Variants in CECR2 observed in about 807,000 individuals in gnomAD.
The protein encoded by CECR2 is chromatin remodeling regulator CECR2.
CECR2 carries 30 observed loss-of-function variants against 154.5 expected under a neutral mutation model. The observed-to-expected ratio is 0.19, with a 90% confidence interval of 0.15 to 0.26. The LOEUF is 0.26. Ranked by LOEUF, CECR2 falls within the 10% of genes least tolerant of loss-of-function variation. The probability of loss-of-function intolerance (pLI) is 1.00; values close to 1 mark genes in which losing one functional copy is unlikely to be tolerated. For missense variants in CECR2, 1,743 were observed against 1,829.3 expected (o/e 0.95, Z 0.86); for synonymous variants, 725 against 683.7 (o/e 1.06, Z -0.94).
intron 2 of CECR2, among the ~76,000 whole-genome samples, chr22:17,495,258 G>A (rs554982431): frequency 6.6e-6 from 1 of 152,216 alleles, no homozygotes; most frequent in South Asian, 2.1e-4. Flanking sequence ...TTACATGGAA[G>A]GCATATTTAG....
At position 17,540,682 on chromosome 22, in the gene CECR2, A is replaced by G; in HGVS notation, c.1766A>G (p.Asp589Gly). 6.2e-7 allele frequency: 1 copy of G among 1,613,956 alleles called. No individual in the cohort carries two copies. The highest frequency in any genetic ancestry group is 8.5e-7 in the Non-Finnish European group (1 of 1,179,876). Residue 589 changes from aspartate (D) to glycine (G), a missense_variant, in exon 14 of 19, where the codon GAT (aspartate) becomes GGT (glycine). Asp to Gly is a moderately conservative substitution (Grantham distance 94). Coordinates refer to ENST00000262608, the MANE Select transcript of CECR2 (RefSeq NM_001290047.2). ...PTRRAPSSGDDQSSSSTQPPR... is the reference protein window; with the variant it reads ...PTRRAPSSGDGQSSSSTQPPR... ...CGCCGAGCGCCCTCTTCTGGGGACG[A>G]TCAGAGCAGCAGCTCCACACAGCCC... is the stretch of plus-strand genomic sequence containing the variant.
chr22:17,400,979 C>T (rs1213800739), intron 1 of CECR2, among the ~76,000 whole-genome samples: 1 of 152,150 alleles, frequency 6.6e-6, no homozygotes, highest in Non-Finnish European at 1.5e-5. Context: ...GTTGCTCAGA[C>T]TGGTCTTGAA....
chr22:17,500,104 G>C (rs1424021825), intron 4 of CECR2, among the ~76,000 whole-genome samples: 2 of 151,784 alleles, frequency 1.3e-5, no homozygotes, highest in Non-Finnish European at 2.9e-5. Context: ...CCAGCTACTC[G>C]GGAGGCTGAG....
At chr22:17,529,587 C>G (rs1555927414) in intron 9 of CECR2, among the ~76,000 whole-genome samples, 1 of 152,012 alleles carries the variant, frequency 6.6e-6, no homozygotes, top group Non-Finnish European at 1.5e-5. Flanking sequence ...GTAGTCCCAG[C>G]TACTCGGGAG....
At position 17,497,111 on chromosome 22, in the gene CECR2, T is replaced by C. The variant is rs566771035; in HGVS notation, c.222-292T>C. 2.0e-5 allele frequency among the ~76,000 whole-genome samples: 3 copies of C among 152,172 alleles called. No homozygotes were observed. The South Asian group carries it at 6.2e-4, about 32-fold the overall frequency. ...GAGCTTGAGAACAGCCTGGGCAACA[T>C]AGGGAGACCCCTGTCTCTACAAAAA... On this transcript the variant is annotated intron_variant, in intron 2 of 18. Coordinates refer to ENST00000262608, the MANE Select transcript of CECR2 (RefSeq NM_001290047.2).
At chr22:17,414,248 AG>A (rs1369698580) in intron 1 of CECR2, among the ~76,000 whole-genome samples, 3 of 152,222 alleles carry the variant, frequency 2.0e-5, no homozygotes, top group Non-Finnish European at 2.9e-5. Flanking sequence ...CTGGGATTAC[AG>A]GCGTGAGCCA....
At chr22:17,464,599 C>T (rs1418524204) in intron 1 of CECR2, among the ~76,000 whole-genome samples, 1 of 152,090 alleles carries the variant, frequency 6.6e-6, no homozygotes, top group Non-Finnish European at 1.5e-5. Context: ...TCCTGGGCTC[C>T]AGCAGTCCTC....
chr22:17,371,737 G>A (rs1399278876), intron 1 of CECR2, among the ~76,000 whole-genome samples: 1 of 152,168 alleles, frequency 6.6e-6, no homozygotes, highest in Admixed American at 6.5e-5. Flanking sequence ...GTGGTGCTGG[G>A]ATTATGAGTT....
At chr22:17,439,017 T>G (rs1304384588) in intron 1 of CECR2, among the ~76,000 whole-genome samples, 1 of 151,938 alleles carries the variant, frequency 6.6e-6, no homozygotes, top group Non-Finnish European at 1.5e-5. Flanking sequence ...CTCTACACAT[T>G]TTTTTTAAAG....
intron 2 of CECR2, among the ~76,000 whole-genome samples, chr22:17,486,066 A>C (rs1002404020): frequency 4.6e-5 from 7 of 152,204 alleles, no homozygotes; most frequent in African/African-American, 1.4e-4. Flanking sequence ...TGCAGCCTCC[A>C]ACTCCTGGGC....
chr22:17,388,880 C>G (rs2063296242), intron 1 of CECR2, among the ~76,000 whole-genome samples: 1 of 152,088 alleles, frequency 6.6e-6, no homozygotes, highest in African/African-American at 2.4e-5. Flanking sequence ...GTGGCACGAT[C>G]TCAGCTCACT....
chr22:17,488,371 T>C (rs1326113509), intron 2 of CECR2, among the ~76,000 whole-genome samples: 1 of 152,208 alleles, frequency 6.6e-6, no homozygotes, highest in Non-Finnish European at 1.5e-5. Context: ...TTGTAACAAA[T>C]GAGGGCACCA....
intron 10 of CECR2, among the ~76,000 whole-genome samples, chr22:17,538,243 A>G (rs140342874): frequency 2.3e-4 from 35 of 152,336 alleles, no homozygotes; most frequent in African/African-American, 8.4e-4. Context: ...AGAATGTGCA[A>G]TTAAATAACT....
At chr22:17,502,832 C>G (rs2055763642) in intron 5 of CECR2, among the ~76,000 whole-genome samples, 2 of 151,940 alleles carry the variant, frequency 1.3e-5, no homozygotes, top group South Asian at 4.1e-4. Flanking sequence ...ATAAAAGTTA[C>G]TGTTTTCTTA....
chr22:17,404,263 C>A (rs1235438026), intron 1 of CECR2, among the ~76,000 whole-genome samples: 2 of 120,180 alleles, frequency 1.7e-5, no homozygotes, highest in East Asian at 5.6e-4. Context: ...TGTCCCCATC[C>A]CCCCGACCCC....
intron 1 of CECR2, among the ~76,000 whole-genome samples, chr22:17,371,028 CGTT>C (rs964949156): frequency 4.6e-5 from 7 of 152,210 alleles, no homozygotes; most frequent in East Asian, 1.9e-4. Context: ...AAGAGCAAAT[CGTT>C]GTTGTTGCCT....
chr22:17,361,757 A>G (rs1311203669), intron 1 of CECR2, among the ~76,000 whole-genome samples: 1 of 152,034 alleles, frequency 6.6e-6, no homozygotes. Flanking sequence ...TAAAAAAAAA[A>G]AAAAGAGAGA....
At chr22:17,481,084 C>T (rs2146808146) in intron 2 of CECR2, among the ~76,000 whole-genome samples, 1 of 141,916 alleles carries the variant, frequency 7.0e-6, no homozygotes, top group East Asian at 2.0e-4. Flanking sequence ...TGCCTCACGC[C>T]TGTAATCCCA....
intron 1 of CECR2, among the ~76,000 whole-genome samples, chr22:17,384,858 G>C (rs2063240365): frequency 6.6e-6 from 1 of 152,160 alleles, no homozygotes; most frequent in African/African-American, 2.4e-5. Context: ...TCAATAAAAG[G>C]CTGTTTCACC....
Sources: allele counts gnomAD v4.1 joint callset (sites outside exome capture counted in the v4.1 genomes callset), GRCh38; gene constraint gnomAD v4.1.1; transcripts MANE v1.5; gene names NCBI Gene and HGNC (gene_info 2026-07-23, HGNC 2026-07-21).